The following AJAP1 variants were observed in gnomAD, a reference collection of about 807,000 sequenced individuals.
The protein encoded by AJAP1 is adherens junctions associated protein 1, also known as adherens junction-associated protein 1.
Under a neutral mutation model 35.0 loss-of-function variants are expected in AJAP1, and 5 were observed. The observed-to-expected ratio is 0.14, with a 90% CI of 0.07 to 0.30. The LOEUF (loss-of-function observed/expected upper bound fraction) is 0.30. Ranked by LOEUF, AJAP1 falls within the 10% of genes least tolerant of loss-of-function variation. The pLI is 1.00. For synonymous variants in AJAP1, 284 were observed against 249.3 expected, an observed-to-expected ratio of 1.14 and a Z score of -1.31; for missense variants, 586 against 571.0, an observed-to-expected ratio of 1.03 and a Z score of -0.27.
chr1:4,701,869 A>T (rs1639996361), intron 1 of AJAP1, among the ~76,000 whole-genome samples: 2 of 152,134 alleles, frequency 1.3e-5, no homozygotes, highest in Admixed American at 1.3e-4. Context: ...GCCAGGCGCA[A>T]GGTGTGCCCC....
chr1:4,758,873 C>T (rs1303248258), intron 2 of AJAP1, among the ~76,000 whole-genome samples: 2 of 152,208 alleles, frequency 1.3e-5, no homozygotes, highest in Admixed American at 1.3e-4. Context: ...CTGCTCTTCC[C>T]TCTACCCGAG....
chr1:4,688,726 C>T (rs893896429), intron 1 of AJAP1, among the ~76,000 whole-genome samples: 6 of 137,868 alleles, frequency 4.4e-5, no homozygotes, highest in Non-Finnish European at 7.5e-5. Flanking sequence ...GAGCTGAGAT[C>T]GTGCCACTGC....
chr1:4,774,021 C>T lies in AJAP1; in HGVS notation c.1164-406C>T, dbSNP rs114794246. On this transcript the variant is annotated intron_variant, in intron 4 of 5. Coordinates refer to ENST00000378191, the MANE Select transcript of AJAP1 (RefSeq NM_018836.4). ...AGTCTCAAAGGTGACAAAATATGGG[C>T]GAGACATTTTGGGAGCCAGGTTCTA... is the stretch of plus-strand genomic sequence containing the variant. Among the ~76,000 whole-genome samples the T allele has an allele frequency of 7.9e-3, 1,199 of 152,280 alleles. 13 individuals are homozygous for T. The highest frequency in any genetic ancestry group is 0.012 in the Non-Finnish European group (789 of 68,040).
intron 1 of AJAP1, among the ~76,000 whole-genome samples, chr1:4,706,595 G>A (rs150262482): frequency 9.9e-5 from 15 of 152,252 alleles, no homozygotes; most frequent in Middle Eastern, 3.4e-3. Context: ...GCTGTTCCCC[G>A]GTGGAACAAT....
intron 2 of AJAP1, among the ~76,000 whole-genome samples, chr1:4,713,232 C>A (rs1030903353): frequency 2.0e-5 from 3 of 152,196 alleles, no homozygotes; most frequent in African/African-American, 7.2e-5. Context: ...CCTTAAATAG[C>A]AAGAAAGGCC....
In AJAP1 at chr1:4,720,240, G is replaced by T. The variant is rs945155114; in HGVS notation, c.829+7541G>T. On this transcript the variant is annotated intron_variant, in intron 2 of 5. Transcript: ENST00000378191. This position sits in a 1 kb window ranked among gnomAD's most constrained non-coding sequence, Gnocchi z 4.4. ...GGTTAGACATGAAGACAGGCTTCGG[G>T]TCCCCGCTTTCGATGTGGTTCAACA... is the stretch of plus-strand genomic sequence containing the variant. Among the ~76,000 whole-genome samples the T allele has an allele frequency of 6.6e-6, 1 of 152,188 alleles. No homozygotes were observed. The highest frequency in any genetic ancestry group is 1.9e-4 in the East Asian group (1 of 5,196).
chr1:4,668,719 G>T (rs1329825304), intron 1 of AJAP1, among the ~76,000 whole-genome samples: 1 of 152,202 alleles, frequency 6.6e-6, no homozygotes, highest in Non-Finnish European at 1.5e-5. Context: ...TCCGCAGGTT[G>T]TGCATATCCT....
At chr1:4,746,203 C>T (rs1641183479) in intron 2 of AJAP1, among the ~76,000 whole-genome samples, 1 of 152,132 alleles carries the variant, frequency 6.6e-6, no homozygotes, top group Admixed American at 6.5e-5. Context: ...TGCATCTCCC[C>T]AGTCTCTGCC....
chr1:4,769,763 T>C, intron 2 of AJAP1, 90 bp from the exon 3 acceptor site: 3 of 1,101,196 alleles, frequency 2.7e-6, no homozygotes, highest in Admixed American at 1.7e-5. Context: ...CCCAGCTGGG[T>C]TGGGGGGATG....
At position 4,790,631 on chromosome 1, in the gene AJAP1, C is replaced by G. The variant is rs1220041615; in HGVS notation, c.*8146C>G. 4 of 152,206 alleles carry G rather than the reference C, an allele frequency of 2.6e-5. No homozygotes were observed. Among genetic ancestry groups the G allele is most frequent in the African/African-American group, 9.7e-5 (4 of 41,446 alleles). 9.4% of individuals were successfully genotyped at this position (152,206 alleles called of 1,614,324 possible). On this transcript the variant is annotated 3_prime_UTR_variant, in exon 6 of 6. Transcript: ENST00000378191. ...TTTTCACTAGCGTTTGCGTTGCTTC[C>G]TCTGAAGCCAGAGGGTGAAAGGCCC...
rs1642176705 is a variant in AJAP1 at position 4,787,404 on chromosome 1, C to T, written c.*4919C>T. The T allele has an allele frequency of 3.6e-6, 1 of 277,480 alleles. No individual in the cohort carries two copies. The highest frequency in any genetic ancestry group is 7.2e-6 in the Non-Finnish European group (1 of 139,174). The allele number at this position is 277,480 out of a possible 1,614,324, so 17.2% of individuals were successfully genotyped here. A position where few individuals can be genotyped will look rare whatever the true frequency, so the allele number is the denominator to read the frequency against. On this transcript the variant is annotated 3_prime_UTR_variant, in exon 6 of 6. Transcript: ENST00000378191. ...AGGCAGGGGTTGTCTACGTCTCCTC[C>T]TCCTGCGACCCATCACCTACTGGAA...
chr1:4,685,634 GC>G (rs1475011099), intron 1 of AJAP1, among the ~76,000 whole-genome samples: 1 of 132,868 alleles, frequency 7.5e-6, no homozygotes, highest in African/African-American at 2.9e-5. Context: ...GGAGCTCATT[GC>G]CGGGACCCAA....
At chr1:4,672,909 A>C (rs1354991766) in intron 1 of AJAP1, among the ~76,000 whole-genome samples, 1 of 152,154 alleles carries the variant, frequency 6.6e-6, no homozygotes. Flanking sequence ...GTGGAAGAGG[A>C]GATAGAGATG....
At chr1:4,781,382 G>A (rs1265650616) in intron 5 of AJAP1, among the ~76,000 whole-genome samples, 2 of 152,166 alleles carry the variant, frequency 1.3e-5, no homozygotes, top group African/African-American at 2.4e-5. Context: ...ACACTACCCC[G>A]AGACCCTGAT....
chr1:4,712,378 A>C lies in AJAP1; in HGVS notation c.508A>C (p.Arg170=), dbSNP rs777703307. ...QGDGLSSFDS[R]GSRPTTETEF... ...GGACGGTCTCAGCAGCTTCGACTCC[A>C]GAGGCAGCCGGCCCACCACAGAGAC... The change falls in exon 2 of 6, where the codon AGA becomes CGA. Residue 170 remains arginine (R), a synonymous_variant. Transcript: ENST00000378191. 21 of 1,546,248 alleles carry C rather than the reference A, an allele frequency of 1.4e-5. No homozygotes were observed. Among genetic ancestry groups the C allele is most frequent in the Non-Finnish European group, 1.7e-5 (20 of 1,144,748 alleles).
chr1:4,776,126 G>A (rs1641935181), intron 5 of AJAP1, among the ~76,000 whole-genome samples: 1 of 152,270 alleles, frequency 6.6e-6, no homozygotes, highest in Admixed American at 6.5e-5. Context: ...GAACTGGAGA[G>A]GTCAACTCGG....
chr1:4,679,488 G>A (rs1030674033), intron 1 of AJAP1, among the ~76,000 whole-genome samples: 5 of 152,128 alleles, frequency 3.3e-5, no homozygotes, highest in African/African-American at 1.2e-4. Flanking sequence ...AGATTAATGT[G>A]GCCACCATAA....
Position 4,783,458 on chromosome 1 carries a change from TA to T in AJAP1, c.*974del, listed in dbSNP as rs1333660318. The T allele has an allele frequency of 4.8e-5, 2 of 41,384 alleles. No individual in the cohort carries two copies. Among genetic ancestry groups the T allele is most frequent in the African/African-American group, 3.0e-4 (2 of 6,706 alleles). The allele number at this position is 41,384 out of a possible 1,614,324, so 2.6% of individuals were successfully genotyped here. A position where few individuals can be genotyped will look rare whatever the true frequency, so the allele number is the denominator to read the frequency against. ...GCCAGAACTAAGAATGCCAAGGTTT[TA>T]TATATGTGTGTGTATATATATATAT... is the stretch of plus-strand genomic sequence containing the variant. On this transcript the variant is annotated 3_prime_UTR_variant, in exon 6 of 6. Transcript: ENST00000378191.
chr1:4,746,912 C>T (rs569250608), intron 2 of AJAP1, among the ~76,000 whole-genome samples: 2 of 152,304 alleles, frequency 1.3e-5, no homozygotes, highest in South Asian at 4.1e-4. Context: ...CTTGTGACCC[C>T]GCACTGCAGG....
Sources: gnomAD v4.1 joint callset for allele counts (sites outside exome capture counted in the v4.1 genomes callset) on GRCh38, gnomAD v4.1.1 for gene constraint, Gnocchi (gnomAD v3.1) non-coding constraint, MANE v1.5 for transcripts, NCBI Gene and HGNC (gene_info 2026-07-23, HGNC 2026-07-21) for gene names.